The following EFR3A variants were observed in gnomAD, a reference collection of about 807,000 sequenced individuals.
The protein encoded by EFR3A is EFR3 homolog A, also known as protein EFR3 homolog A.
EFR3A carries 76 observed loss-of-function variants against 104.4 expected under a neutral mutation model. That is an observed-to-expected ratio of 0.73 (90% CI 0.60 to 0.88). EFR3A has a LOEUF of 0.88. EFR3A is among the 40% of genes least tolerant of loss of function. The pLI is 0.00. For synonymous variants in EFR3A, 330 were observed against 330.0 expected, an observed-to-expected ratio of 1.00 and a Z score of 0.00; for missense variants, 985 against 1,012.5, an observed-to-expected ratio of 0.97 and a Z score of 0.37.
chr8:131,985,869 C>T (rs924831071), intron 16 of EFR3A, among the ~76,000 whole-genome samples: 1 of 152,060 alleles, frequency 6.6e-6, no homozygotes, highest in Non-Finnish European at 1.5e-5. Flanking sequence ...ATTTGTAAAG[C>T]GATTTCCAAA....
In EFR3A at chr8:132,012,765, TA is replaced by T. The variant is rs1433085231; in HGVS notation, c.*1876del. The T allele has an allele frequency of 6.6e-6, 1 of 152,214 alleles. No homozygotes were observed. The highest frequency in any genetic ancestry group is 2.4e-5 in the African/African-American group (1 of 41,382). The allele number at this position is 152,214 out of a possible 1,614,324, so 9.4% of individuals were successfully genotyped here. A position where few individuals can be genotyped will look rare whatever the true frequency, so the allele number is the denominator to read the frequency against. On this transcript the variant is annotated 3_prime_UTR_variant, in exon 23 of 23. Transcript: ENST00000254624. ...AAAAAATATATATAATTTAATAGTA[TA>T]AAAAATAAAATATATATTCATTTGC...
rs554089520 is a variant in EFR3A, at chr8:131,943,617, C to G, written c.88-1128C>G. 1.8e-3 allele frequency among the ~76,000 whole-genome samples: 278 copies of G among 152,098 alleles called. 2 individuals are homozygous for G. Among genetic ancestry groups the G allele is most frequent in the African/African-American group, 6.5e-3 (271 of 41,522 alleles). On this transcript the variant is annotated intron_variant, in intron 2 of 22. Coordinates refer to ENST00000254624, the MANE Select transcript of EFR3A (RefSeq NM_015137.6). ...ACTTAGGTTCATTTGACATTTTGGT[C>G]CAGATAATTACTTACTTTTGGGGGC...
At chr8:131,983,216 G>C (rs1165374070) in intron 14 of EFR3A, among the ~76,000 whole-genome samples, 1 of 152,172 alleles carries the variant, frequency 6.6e-6, no homozygotes, top group Non-Finnish European at 1.5e-5. Flanking sequence ...GGGAAAAAAT[G>C]AGTGTTCTTA....
chr8:131,952,469 G>A (rs1818757163), intron 5 of EFR3A, among the ~76,000 whole-genome samples: 1 of 152,096 alleles, frequency 6.6e-6, no homozygotes, highest in South Asian at 2.1e-4. Context: ...CAAGGGCACC[G>A]CTATCTGCTG....
chr8:132,002,663 A>T lies in EFR3A; in HGVS notation c.2267A>T (p.Gln756Leu). The T allele has an allele frequency of 6.2e-7, 1 of 1,613,820 alleles. No homozygotes were observed. The change falls in exon 21 of 23, where the codon CAG (glutamine) becomes CTG (leucine). Residue 756 changes from glutamine (Q) to leucine (L), a missense_variant. By Grantham distance (113) the Gln-to-Leu change is moderately radical. Coordinates refer to ENST00000254624, the MANE Select transcript of EFR3A (RefSeq NM_015137.6). ...AGGCGTCTTGTGATAGAGAAATTTC[A>T]GAAAGCACCTTTTGAAGAAATAGCA... ...EKRRLVIEKF[Q>L]KAPFEEIAAQ...
chr8:131,961,607 G>A (rs1052281619), intron 8 of EFR3A, among the ~76,000 whole-genome samples: 13 of 152,294 alleles, frequency 8.5e-5, no homozygotes, highest in Admixed American at 2.0e-4. Context: ...AAAGTGACGG[G>A]GAGAATGGAA....
At chr8:131,935,203 T>G (rs774359328) in intron 1 of EFR3A, among the ~76,000 whole-genome samples, 3 of 152,210 alleles carry the variant, frequency 2.0e-5, no homozygotes, top group African/African-American at 4.8e-5. Context: ...ATTTAGTGTT[T>G]TATGGTGGAC....
chr8:131,929,455 A>G (rs1563633958), intron 1 of EFR3A, among the ~76,000 whole-genome samples: 1 of 152,132 alleles, frequency 6.6e-6, no homozygotes, highest in Admixed American at 6.6e-5. Flanking sequence ...CCTAATTTCT[A>G]CTTTTTCTTC....
intron 9 of EFR3A, among the ~76,000 whole-genome samples, chr8:131,969,554 T>C (rs899638452): frequency 1.3e-4 from 19 of 151,632 alleles, no homozygotes; most frequent in South Asian, 6.2e-4. Context: ...GTTTTTTTTT[T>C]CCCCCGAATA....
chr8:131,915,803 T>C (rs1281575656), intron 1 of EFR3A, among the ~76,000 whole-genome samples: 1 of 152,202 alleles, frequency 6.6e-6, no homozygotes, highest in African/African-American at 2.4e-5. Context: ...ACAGTAGTGC[T>C]AGGGAAGGTG....
intron 22 of EFR3A, among the ~76,000 whole-genome samples, chr8:132,008,872 AAAG>A (rs1822177783): frequency 6.7e-6 from 1 of 148,808 alleles, no homozygotes; most frequent in Non-Finnish European, 1.5e-5. Context: ...AAAAAAAAAA[AAAG>A]AAAGTGTTCA....
intron 8 of EFR3A, among the ~76,000 whole-genome samples, chr8:131,961,326 A>G (rs1279014442): frequency 6.6e-6 from 1 of 152,098 alleles, no homozygotes; most frequent in Non-Finnish European, 1.5e-5. Context: ...AAGATTAGAC[A>G]AATGGCTAAC....
intron 19 of EFR3A, among the ~76,000 whole-genome samples, chr8:131,997,307 C>A (rs1329286679): frequency 6.6e-6 from 1 of 152,018 alleles, no homozygotes; most frequent in Non-Finnish European, 1.5e-5. Flanking sequence ...AAAAGAATAT[C>A]CATATAGGGA....
intron 2 of EFR3A, among the ~76,000 whole-genome samples, chr8:131,942,462 A>G (rs963584012): frequency 1.3e-5 from 2 of 151,806 alleles, no homozygotes; most frequent in African/African-American, 4.9e-5. Flanking sequence ...TCTTAAAATT[A>G]GTAGCCAGAT....
chr8:131,978,940 G>A lies in EFR3A; in HGVS notation c.1420G>A (p.Glu474Lys), dbSNP rs770383245. ...ATCACCATCTCTCATGGAGGACTAC[G>A]AACTGAGACAGTTGGTCTTGGAAGT... is the stretch of plus-strand genomic sequence containing the variant. Reference protein sequence around the residue: ...LLSPSLMEDYELRQLVLEVMH... With the variant: ...LLSPSLMEDYKLRQLVLEVMH... The change falls in exon 13 of 23, where the codon GAA (glutamate) becomes AAA (lysine). Residue 474 changes from glutamate to lysine, a missense_variant. Glu to Lys is a moderately conservative substitution (Grantham distance 56). Transcript: ENST00000254624. 4.3e-6 allele frequency: 7 copies of A among 1,612,958 alleles called. No homozygotes were observed. Among genetic ancestry groups the A allele is most frequent in the African/African-American group, 4.0e-5 (3 of 74,888 alleles).
At chr8:131,981,630 T>A (rs923626122) in intron 14 of EFR3A, among the ~76,000 whole-genome samples, 2 of 152,040 alleles carry the variant, frequency 1.3e-5, no homozygotes, top group African/African-American at 2.4e-5. Flanking sequence ...AGAAAAAAAA[T>A]TGGGTTCTGT....
chr8:131,904,371 C>T (rs1011372916), intron 1 of EFR3A, 49 bp downstream of exon 1: 11 of 1,242,196 alleles, frequency 8.9e-6, no homozygotes, highest in South Asian at 7.0e-5. Context: ...ACTGCCTGCG[C>T]GACGCGCTTG....
intron 18 of EFR3A, among the ~76,000 whole-genome samples, chr8:131,992,897 T>C (rs891284640): frequency 2.0e-5 from 3 of 152,144 alleles, no homozygotes; most frequent in Non-Finnish European, 4.4e-5. Flanking sequence ...GGAAGTTATG[T>C]GGTTAGTGTT....
intron 18 of EFR3A, among the ~76,000 whole-genome samples, chr8:131,992,425 A>G (rs1464486401): frequency 6.6e-6 from 1 of 152,196 alleles, no homozygotes; most frequent in Non-Finnish European, 1.5e-5. Flanking sequence ...GCCTTCATGC[A>G]GTAGAACCTG....
Sources: gnomAD v4.1 joint callset for allele counts (sites outside exome capture counted in the v4.1 genomes callset) on GRCh38, gnomAD v4.1.1 for gene constraint, MANE v1.5 for transcripts, NCBI Gene and HGNC (gene_info 2026-07-23, HGNC 2026-07-21) for gene names.